LYZL4: variants seen among roughly 807,000 people sequenced by gnomAD.
The protein encoded by LYZL4 is lysozyme-like protein 4.
Under a neutral mutation model 17.6 loss-of-function variants are expected in LYZL4, and 13 were observed. The ratio of observed to expected loss-of-function variants is 0.74; its 90% confidence interval spans 0.48 to 1.18. LYZL4 has a LOEUF of 1.18. LYZL4 is among the 50% of genes most tolerant of loss of function. The probability of loss-of-function intolerance (pLI) is 0.00; values close to 1 mark genes in which losing one functional copy is unlikely to be tolerated. For synonymous variants in LYZL4, 64 were observed against 67.7 expected, an observed-to-expected ratio of 0.95 and a Z score of 0.27; for missense variants, 174 against 188.2, an observed-to-expected ratio of 0.92 and a Z score of 0.44.
the LYZL4 span, among the ~76,000 whole-genome samples, chr3:42,386,449 G>C: frequency 8.2e-6 from 1 of 122,078 alleles, no homozygotes; most frequent in Non-Finnish European, 1.6e-5. Flanking sequence ...GTTACTTTGG[G>C]CCCAAATGGA....
chr3:42,402,764 G>A (rs974854770), intron 4 of LYZL4, among the ~76,000 whole-genome samples: 7 of 152,312 alleles, frequency 4.6e-5, no homozygotes, highest in Admixed American at 6.5e-5. Flanking sequence ...TTATTCCTCA[G>A]TAAAAACAAC....
At chr3:42,401,313 C>A (rs1009642288) in intron 4 of LYZL4, among the ~76,000 whole-genome samples, 2 of 151,990 alleles carry the variant, frequency 1.3e-5, no homozygotes, top group Admixed American at 6.6e-5. Context: ...CAGGTTCAAG[C>A]GATTCTCCTA....
At chr3:42,404,694 A>G (rs972751174) in intron 3 of LYZL4, among the ~76,000 whole-genome samples, 1 of 152,194 alleles carries the variant, frequency 6.6e-6, no homozygotes, top group African/African-American at 2.4e-5. Flanking sequence ...ATTTATAGAT[A>G]GATATCTATA....
At chr3:42,397,431 C>T in intron 4 of LYZL4, 97 bp from the exon 5 acceptor site, 1 of 791,924 alleles carries the variant, frequency 1.3e-6, no homozygotes, top group Non-Finnish European at 2.1e-6. Flanking sequence ...CCTGCCTGCC[C>T]CTTGGAGCCT....
In LYZL4 at chr3:42,404,591, A is replaced by C. The variant is rs1031709136; in HGVS notation, c.293-467T>G. ...CCACCATATTTTCATCACAATACAC[A>C]GTACCACCTCTATTACAGACAGAAA... On this transcript the variant is annotated intron_variant, in intron 3 of 4. Coordinates refer to ENST00000287748, the MANE Select transcript of LYZL4 (RefSeq NM_144634.4). Among the ~76,000 whole-genome samples, 2 of 152,228 alleles carry C rather than the reference A, an allele frequency of 1.3e-5. 1 individual carries two copies. Among genetic ancestry groups the C allele is most frequent in the African/African-American group, 4.8e-5 (2 of 41,454 alleles).
intron 4 of LYZL4, among the ~76,000 whole-genome samples, chr3:42,402,136 T>TTA (rs1349660427): frequency 8.1e-6 from 1 of 124,096 alleles, no homozygotes; most frequent in Non-Finnish European, 1.7e-5. Flanking sequence ...TTGAGAAGGT[T>TTA]AAAAAAAAAA....
the LYZL4 span, among the ~76,000 whole-genome samples, chr3:42,361,109 T>C: frequency 6.6e-6 from 1 of 152,256 alleles, no homozygotes; most frequent in Non-Finnish European, 1.5e-5. Context: ...TATTAGTTTC[T>C]AGTTTATCTT....
chr3:42,390,353 C>T, the LYZL4 span, among the ~76,000 whole-genome samples: 3 of 152,190 alleles, frequency 2.0e-5, no homozygotes, highest in African/African-American at 2.4e-5. Context: ...GGTGAACAAA[C>T]GAAGTGGCTA....
chr3:42,395,275 T>A (rs182568502), downstream of LYZL4, among the ~76,000 whole-genome samples: 459 of 152,330 alleles, frequency 3.0e-3, 2 homozygotes, highest in Admixed American at 4.3e-3. Flanking sequence ...ACGTAGCCAC[T>A]TTTTACCTAA....
downstream of LYZL4, among the ~76,000 whole-genome samples, chr3:42,396,741 A>G (rs1029218015): frequency 1.1e-4 from 17 of 152,196 alleles, no homozygotes; most frequent in African/African-American, 4.1e-4. Flanking sequence ...ACTTTCAGAG[A>G]CTTTTTATAA....
chr3:42,399,542 T>C (rs1000589932), intron 4 of LYZL4, among the ~76,000 whole-genome samples: 1 of 152,144 alleles, frequency 6.6e-6, no homozygotes, highest in African/African-American at 2.4e-5. Context: ...ATGCCAAGAT[T>C]CATGAGCTCT....
At chr3:42,403,467 G>A (rs1307716150) in intron 4 of LYZL4, among the ~76,000 whole-genome samples, 1 of 151,910 alleles carries the variant, frequency 6.6e-6, no homozygotes. Context: ...GTAGAGACGA[G>A]GTTTTGCCAT....
At chr3:42,386,578 T>C in the LYZL4 span, among the ~76,000 whole-genome samples, 1 of 152,192 alleles carries the variant, frequency 6.6e-6, no homozygotes, top group African/African-American at 2.4e-5. Context: ...ATGTATATCT[T>C]TGCAGAGCCG....
At chr3:42,361,229 A>C in the LYZL4 span, among the ~76,000 whole-genome samples, 2 of 152,266 alleles carry the variant, frequency 1.3e-5, no homozygotes, top group Admixed American at 1.3e-4. Flanking sequence ...CATACGATAT[A>C]CACTATTCTG....
chr3:42,373,084 G>A, the LYZL4 span, among the ~76,000 whole-genome samples: 1 of 152,226 alleles, frequency 6.6e-6, no homozygotes, highest in African/African-American at 2.4e-5. Flanking sequence ...GGTGGCGAGT[G>A]CCTGTAGTCC....
At chr3:42,361,063 A>G in the LYZL4 span, among the ~76,000 whole-genome samples, 1 of 152,120 alleles carries the variant, frequency 6.6e-6, no homozygotes. Context: ...CCCCTCCTTC[A>G]CTTTTCCCAT....
the LYZL4 span, among the ~76,000 whole-genome samples, chr3:42,375,927 A>G: frequency 6.6e-6 from 1 of 152,176 alleles, no homozygotes; most frequent in Non-Finnish European, 1.5e-5. Flanking sequence ...GATTGTGGGA[A>G]GGATTAAAGG....
At chr3:42,407,029 A>G in intron 2 of LYZL4, 31 bp from the exon 3 acceptor site, 2 of 1,614,054 alleles carry the variant, frequency 1.2e-6, no homozygotes, top group Admixed American at 1.7e-5. Context: ...TGTGACTCTG[A>G]GGACAGCTGG....
the LYZL4 span, among the ~76,000 whole-genome samples, chr3:42,378,417 C>T: frequency 3.9e-5 from 6 of 152,144 alleles, no homozygotes; most frequent in Non-Finnish European, 7.4e-5. Context: ...AGTGGCCATC[C>T]CAGCTTGTCT....
Sources: gnomAD v4.1 joint callset for allele counts (sites outside exome capture counted in the v4.1 genomes callset) on GRCh38, gnomAD v4.1.1 for gene constraint, MANE v1.5 for transcripts, NCBI Gene and HGNC (gene_info 2026-07-23, HGNC 2026-07-21) for gene names.